GALNT14: variants seen among roughly 807,000 people sequenced by gnomAD.
GALNT14 encodes the protein polypeptide N-acetylgalactosaminyltransferase 14.
A neutral mutation model predicts 77.5 loss-of-function variants in GALNT14; 60 were observed. The ratio of observed to expected loss-of-function variants is 0.77; its 90% CI spans 0.63 to 0.96. The LOEUF is 0.96. GALNT14 is among the 40% of genes least tolerant of loss of function. The pLI is 0.00. For synonymous variants in GALNT14, 280 were observed against 281.7 expected, an observed-to-expected ratio of 0.99 and a Z score of 0.06; for missense variants, 710 against 731.0, an observed-to-expected ratio of 0.97 and a Z score of 0.33.
At chr2:30,997,039 C>A (rs1007581067) in intron 1 of GALNT14, among the ~76,000 whole-genome samples, 1 of 152,216 alleles carries the variant, frequency 6.6e-6, no homozygotes, top group African/African-American at 2.4e-5. Context: ...CGTATATCAT[C>A]ATGCAATCCT....
chr2:30,948,539 C>T (rs1157922331), intron 6 of GALNT14, among the ~76,000 whole-genome samples: 1 of 152,138 alleles, frequency 6.6e-6, no homozygotes, highest in Admixed American at 6.5e-5. Flanking sequence ...CCCTGGATAT[C>T]GAGGCTTGCG....
chr2:30,983,524 A>T (rs1198361387), intron 2 of GALNT14, among the ~76,000 whole-genome samples: 1 of 152,064 alleles, frequency 6.6e-6, no homozygotes, highest in Non-Finnish European at 1.5e-5. Flanking sequence ...GGGAGGGAGA[A>T]GGGAAATCTG....
At chr2:31,132,179 GCGCTGACAAC>G (rs1679026731) in intron 1 of GALNT14, among the ~76,000 whole-genome samples, 1 of 152,188 alleles carries the variant, frequency 6.6e-6, no homozygotes, top group African/African-American at 2.4e-5. Context: ...CACTGACTCA[GCGCTGACAAC>G]CAGAGGCCTG....
intron 1 of GALNT14, chr2:31,129,660 T>C (rs898115328): frequency 9.1e-6 from 9 of 985,194 alleles, no homozygotes; most frequent in African/African-American, 7.0e-5. Context: ...TATGCCTGCA[T>C]GTTGCAGCTG....
At chr2:30,995,863 A>G (rs1558477339) in intron 1 of GALNT14, among the ~76,000 whole-genome samples, 1 of 152,164 alleles carries the variant, frequency 6.6e-6, no homozygotes, top group Non-Finnish European at 1.5e-5. Flanking sequence ...TGTATTATAA[A>G]TAGGAATTGG....
intron 6 of GALNT14, among the ~76,000 whole-genome samples, chr2:30,951,502 C>T (rs1286129510): frequency 6.6e-6 from 1 of 152,108 alleles, no homozygotes; most frequent in African/African-American, 2.4e-5. Flanking sequence ...AAAAACTTTT[C>T]CTTTTGGGGT....
chr2:30,887,072 C>G, the GALNT14 span, among the ~76,000 whole-genome samples: 1 of 152,206 alleles, frequency 6.6e-6, no homozygotes, highest in East Asian at 1.9e-4. Flanking sequence ...CTTTTCATGT[C>G]TGAATAATAT....
chr2:31,011,632 C>A (rs1012114425), intron 1 of GALNT14, among the ~76,000 whole-genome samples: 5 of 152,060 alleles, frequency 3.3e-5, no homozygotes, highest in African/African-American at 1.2e-4. Context: ...GAGGAGAGGG[C>A]GCCTCTCTGA....
chr2:31,019,392 T>C (rs145264938), intron 1 of GALNT14, among the ~76,000 whole-genome samples: 17 of 152,314 alleles, frequency 1.1e-4, no homozygotes, highest in African/African-American at 4.1e-4. Context: ...CAGAGCCTAG[T>C]ACCTGACACC....
At chr2:30,988,278 G>A (rs1669444534) in intron 2 of GALNT14, among the ~76,000 whole-genome samples, 1 of 152,218 alleles carries the variant, frequency 6.6e-6, no homozygotes, top group African/African-American at 2.4e-5. Context: ...TAGCTGCAAG[G>A]CATGATGGGA....
chr2:30,919,232 G>A (rs953346467), intron 13 of GALNT14, among the ~76,000 whole-genome samples: 4 of 152,036 alleles, frequency 2.6e-5, no homozygotes, highest in African/African-American at 7.2e-5. Context: ...GTTTACAAAC[G>A]GATGATGTAT....
intron 1 of GALNT14, among the ~76,000 whole-genome samples, chr2:31,106,134 TC>T (rs35497621): frequency 6.6e-6 from 1 of 152,178 alleles, no homozygotes; most frequent in African/African-American, 2.4e-5. Flanking sequence ...GTCTAAAACT[TC>T]CCAAGGCTAT....
At chr2:30,927,680 T>C (rs931069139) in intron 11 of GALNT14, among the ~76,000 whole-genome samples, 2 of 152,152 alleles carry the variant, frequency 1.3e-5, no homozygotes, top group South Asian at 2.1e-4. Flanking sequence ...ATGTCATCTA[T>C]TTCATCTGTA....
In GALNT14 at chr2:30,910,850, T is replaced by C. The variant is rs755820009; in HGVS notation, c.*51A>G. 2.5e-6 allele frequency: 4 copies of C among 1,594,176 alleles called. No homozygotes were observed. The highest frequency in any genetic ancestry group is 3.4e-6 in the Non-Finnish European group (4 of 1,169,750). On this transcript the variant is annotated 3_prime_UTR_variant, in exon 15 of 15. Transcript: ENST00000349752. ...TTGCTGCCCAGTTTCCAGTCTGTTC[T>C]GGTCCAGGGAAGCACCACCCCATGG...
At chr2:30,998,788 T>C (rs184492299) in intron 1 of GALNT14, among the ~76,000 whole-genome samples, 288 of 152,308 alleles carry the variant, frequency 1.9e-3, no homozygotes, top group Non-Finnish European at 3.5e-3. Flanking sequence ...CCAGCCCCCA[T>C]GTTCTTTGCC....
At chr2:30,997,718 TG>T (rs1299266201) in intron 1 of GALNT14, among the ~76,000 whole-genome samples, 2 of 152,248 alleles carry the variant, frequency 1.3e-5, no homozygotes, top group Admixed American at 1.3e-4. Flanking sequence ...AAATAATATC[TG>T]TATATATTTA....
chr2:30,969,603 G>A (rs1221410614), intron 2 of GALNT14, among the ~76,000 whole-genome samples: 1 of 152,180 alleles, frequency 6.6e-6, no homozygotes, highest in South Asian at 2.1e-4. Flanking sequence ...GCTTCGTGGA[G>A]GAGGAGCTGC....
intron 14 of GALNT14, 116 bp from the exon 15 acceptor site, chr2:30,911,175 T>C (rs1341691340): frequency 1.1e-6 from 1 of 916,464 alleles, no homozygotes; most frequent in East Asian, 2.6e-5. Context: ...CTTGATTTCA[T>C]GGTTTCATAA....
chr2:31,130,593 T>A (rs1198572052), intron 1 of GALNT14, among the ~76,000 whole-genome samples: 1 of 152,140 alleles, frequency 6.6e-6, no homozygotes, highest in Non-Finnish European at 1.5e-5. Flanking sequence ...CTAGCTCTCA[T>A]TAGGCCCTGG....
Sources: gnomAD v4.1 joint callset for allele counts (sites outside exome capture counted in the v4.1 genomes callset) on GRCh38, gnomAD v4.1.1 for gene constraint, MANE v1.5 for transcripts, NCBI Gene and HGNC (gene_info 2026-07-23, HGNC 2026-07-21) for gene names.